Variants in ZNF704 observed in about 807,000 individuals in gnomAD.
The protein encoded by ZNF704 is glucocorticoid induced gene 1.
In ZNF704, 10 loss-of-function variants were observed where a neutral mutation model predicts 44.7. The observed-to-expected ratio is 0.22, with a 90% CI of 0.14 to 0.38. ZNF704 has a LOEUF of 0.38. ZNF704 is among the 10% of genes least tolerant of loss of function. The pLI, the probability that ZNF704 is intolerant of heterozygous loss-of-function variation, is 1.00. For missense variants in ZNF704, 390 were observed against 545.5 expected (o/e 0.71, Z 2.84); for synonymous variants, 211 against 207.6 (o/e 1.02, Z -0.14).
chr8:80,705,759 C>G (rs1253581133), intron 2 of ZNF704, among the ~76,000 whole-genome samples: 1 of 152,162 alleles, frequency 6.6e-6, no homozygotes, highest in African/African-American at 2.4e-5. Flanking sequence ...CAGCCAGCCT[C>G]TTTCTTCTAG....
intron 1 of ZNF704, among the ~76,000 whole-genome samples, chr8:80,824,292 G>A (rs1360259136): frequency 2.6e-5 from 4 of 152,308 alleles, no homozygotes; most frequent in South Asian, 2.1e-4. Flanking sequence ...ACAAGCTTCA[G>A]TAGCCGATTT....
chr8:80,856,152 T>C (rs1471451506), intron 1 of ZNF704, among the ~76,000 whole-genome samples: 1 of 152,110 alleles, frequency 6.6e-6, no homozygotes, highest in East Asian at 1.9e-4. Flanking sequence ...AGAGAAAGGG[T>C]CTTGCTTGGT....
At chr8:80,722,182 G>C (rs975621080) in intron 2 of ZNF704, among the ~76,000 whole-genome samples, 1 of 152,176 alleles carries the variant, frequency 6.6e-6, no homozygotes, top group Non-Finnish European at 1.5e-5. Flanking sequence ...AGAGGTTTCA[G>C]TGAGCCAAGA....
At position 80,721,304 on chromosome 8, in the gene ZNF704, A is replaced by G. The variant is rs578186121; in HGVS notation, c.222-28197T>C. On this transcript the variant is annotated intron_variant, in intron 2 of 8. Transcript: ENST00000327835. ...AGAGGAGAGAGCTTGAGATTCCTTT[A>G]TAATAAAAAGGAAGAAAAATGCAGA... Among the ~76,000 whole-genome samples, 97 of 152,290 alleles carry G rather than the reference A, an allele frequency of 6.4e-4. No individual in the cohort carries two copies. The South Asian group carries it at 9.7e-3, about 15-fold the overall frequency.
intron 4 of ZNF704, among the ~76,000 whole-genome samples, chr8:80,674,528 A>G (rs1818333744): frequency 6.6e-6 from 1 of 152,152 alleles, no homozygotes; most frequent in South Asian, 2.1e-4. Flanking sequence ...GATCTAACCC[A>G]AGGGGTGTTC....
chr8:80,740,760 G>A (rs777121246), intron 2 of ZNF704, among the ~76,000 whole-genome samples: 1 of 152,148 alleles, frequency 6.6e-6, no homozygotes, highest in Non-Finnish European at 1.5e-5. Flanking sequence ...CAAACCCAAC[G>A]TCTCAACTCA....
chr8:80,679,005 T>C (rs1383014756), intron 4 of ZNF704, among the ~76,000 whole-genome samples: 1 of 152,168 alleles, frequency 6.6e-6, no homozygotes, highest in Non-Finnish European at 1.5e-5. Context: ...CCTCCAAAAG[T>C]TACCCTATCT....
intron 4 of ZNF704, among the ~76,000 whole-genome samples, chr8:80,675,151 G>T (rs1818343890): frequency 6.6e-6 from 1 of 152,206 alleles, no homozygotes; most frequent in South Asian, 2.1e-4. Flanking sequence ...CATGAGGCCT[G>T]TAGAAGGTGA....
intron 4 of ZNF704, among the ~76,000 whole-genome samples, chr8:80,685,518 C>T (rs1390124120): frequency 6.6e-6 from 1 of 152,190 alleles, no homozygotes; most frequent in Non-Finnish European, 1.5e-5. Flanking sequence ...CAGGTCCCTA[C>T]CACTGTCCTG....
At chr8:80,651,210 A>T (rs1432527297) in intron 7 of ZNF704, among the ~76,000 whole-genome samples, 1 of 142,728 alleles carries the variant, frequency 7.0e-6, no homozygotes, top group African/African-American at 2.7e-5. Flanking sequence ...CACTGCAAAA[A>T]CATGCCAAAT....
At chr8:80,743,696 T>C (rs1806801048) in intron 2 of ZNF704, among the ~76,000 whole-genome samples, 1 of 152,220 alleles carries the variant, frequency 6.6e-6, no homozygotes, top group South Asian at 2.1e-4. Flanking sequence ...CCAGCAAACC[T>C]AGATTAGAAT....
intron 7 of ZNF704, among the ~76,000 whole-genome samples, chr8:80,656,240 T>C (rs540432769): frequency 6.6e-6 from 1 of 152,232 alleles, no homozygotes; most frequent in Admixed American, 6.5e-5. Flanking sequence ...AAGGCAGCCA[T>C]CTACAAGCAG....
chr8:80,873,370 C>T (rs1455966420), intron 1 of ZNF704, among the ~76,000 whole-genome samples: 1 of 152,094 alleles, frequency 6.6e-6, no homozygotes, highest in Non-Finnish European at 1.5e-5. Flanking sequence ...GGCAAATCAA[C>T]AGTTCCTCGC....
chr8:80,725,129 A>G (rs934039241), intron 2 of ZNF704, among the ~76,000 whole-genome samples: 2 of 152,208 alleles, frequency 1.3e-5, no homozygotes, highest in African/African-American at 4.8e-5. Flanking sequence ...ACATATCACT[A>G]TGAAATGTTA....
At position 80,795,507 on chromosome 8, in the gene ZNF704, C is replaced by G. The variant is rs1461574810; in HGVS notation, c.221+25867G>C. On this transcript the variant is annotated intron_variant, in intron 2 of 8. Transcript: ENST00000327835. The stretch of plus-strand genomic sequence containing the variant: ...ATCAGCCAAATATATCCAGGACTGA[C>G]TGGAACATTGAAAATACGCTTTTAC... Among the ~76,000 whole-genome samples, 3 of 151,906 alleles carry G rather than the reference C, an allele frequency of 2.0e-5. No homozygotes were observed. In the East Asian group the frequency reaches 5.8e-4, roughly 29 times the overall value.
At chr8:80,664,733 G>C in intron 6 of ZNF704, 82 bp downstream of exon 6, 1 of 1,549,098 alleles carries the variant, frequency 6.5e-7, no homozygotes. Flanking sequence ...TTTCCACTGA[G>C]TTGTCTTTTA....
chr8:80,757,326 G>A (rs1423259919), intron 2 of ZNF704, among the ~76,000 whole-genome samples: 1 of 151,934 alleles, frequency 6.6e-6, no homozygotes, highest in Non-Finnish European at 1.5e-5. Context: ...CAGCAAAAAG[G>A]TTTAAAATGT....
rs1817581899 is a variant in ZNF704, at chr8:80,631,378, G to A, written c.*9988C>T. ...GGACAAGTGCTTAACAACATGAGTG[G>A]ACTGAAGTCCTTTTCTCTTTCCATA... On this transcript the variant is annotated 3_prime_UTR_variant, in exon 9 of 9. Transcript: ENST00000327835. 6.6e-6 allele frequency: 1 copy of A among 152,186 alleles called. No homozygotes were observed. The allele number at this position is 152,186 out of a possible 1,614,324, so 9.4% of individuals were successfully genotyped here. A position where few individuals can be genotyped will look rare whatever the true frequency, so the allele number is the denominator to read the frequency against.
chr8:80,692,240 G>C (rs955787687), intron 3 of ZNF704, among the ~76,000 whole-genome samples: 2 of 152,108 alleles, frequency 1.3e-5, no homozygotes, highest in African/African-American at 2.4e-5. Flanking sequence ...ATGATTAAGA[G>C]AATAAATCTG....
Sources: allele counts gnomAD v4.1 joint callset (sites outside exome capture counted in the v4.1 genomes callset), GRCh38; gene constraint gnomAD v4.1.1; transcripts MANE v1.5; gene names NCBI Gene and HGNC (gene_info 2026-07-23, HGNC 2026-07-21).